Variants in STK32B observed in about 807,000 individuals in gnomAD.
The protein encoded by STK32B is serine/threonine kinase 32B.
STK32B carries 43 observed loss-of-function variants against 52.6 expected under a neutral mutation model. The ratio of observed to expected loss-of-function variants is 0.82; its 90% confidence interval spans 0.64 to 1.05. STK32B has a LOEUF of 1.05. Among genes scored for constraint, STK32B ranks in the 50% least tolerant of loss-of-function variants. The pLI is 0.00. For missense variants in STK32B, 621 were observed against 534.6 expected (o/e 1.16, Z -1.59); for synonymous variants, 238 against 204.3 (o/e 1.17, Z -1.41).
At chr4:5,184,920 C>T (rs771138131) in intron 3 of STK32B, among the ~76,000 whole-genome samples, 13 of 152,254 alleles carry the variant, frequency 8.5e-5, no homozygotes, top group Non-Finnish European at 1.8e-4. Context: ...AAGAGAAGCA[C>T]AGGAAAATGA....
At chr4:5,486,066 C>T (rs925000876) in intron 11 of STK32B, among the ~76,000 whole-genome samples, 1 of 152,128 alleles carries the variant, frequency 6.6e-6, no homozygotes, top group Admixed American at 6.5e-5. Context: ...TCTGTCCGTT[C>T]TCAGATCTCC....
At chr4:5,208,141 G>C (rs1191724650) in intron 3 of STK32B, among the ~76,000 whole-genome samples, 1 of 152,098 alleles carries the variant, frequency 6.6e-6, no homozygotes, top group East Asian at 1.9e-4. Context: ...AGGTGATTCA[G>C]GATTGTAGGT....
chr4:5,393,377 G>A (rs1452533529), intron 4 of STK32B, among the ~76,000 whole-genome samples: 1 of 152,202 alleles, frequency 6.6e-6, no homozygotes, highest in Non-Finnish European at 1.5e-5. Context: ...ACTTATAAGT[G>A]AGGAAGCTAA....
chr4:5,376,573 C>T (rs1735602420), intron 4 of STK32B, among the ~76,000 whole-genome samples: 1 of 152,186 alleles, frequency 6.6e-6, no homozygotes, highest in African/African-American at 2.4e-5. Flanking sequence ...TGAGATTTAC[C>T]TCTTTCCTCC....
chr4:5,278,830 A>G (rs1235989317), intron 3 of STK32B, among the ~76,000 whole-genome samples: 1 of 152,192 alleles, frequency 6.6e-6, no homozygotes, highest in Non-Finnish European at 1.5e-5. Context: ...AGCAGGAACA[A>G]TCTTCACATG....
chr4:5,070,464 TGAG>T (rs1231316570), intron 1 of STK32B, among the ~76,000 whole-genome samples: 1 of 152,112 alleles, frequency 6.6e-6, no homozygotes, highest in Non-Finnish European at 1.5e-5. Flanking sequence ...TGTAGGGGCT[TGAG>T]GGGAAAACAA....
intron 3 of STK32B, among the ~76,000 whole-genome samples, chr4:5,324,108 C>G (rs983900040): frequency 6.6e-6 from 1 of 152,232 alleles, no homozygotes; most frequent in Non-Finnish European, 1.5e-5. Context: ...AATCCTAGCA[C>G]TTTGGGAGGC....
intron 6 of STK32B, among the ~76,000 whole-genome samples, chr4:5,419,924 T>A (rs886925520): frequency 6.6e-6 from 1 of 152,224 alleles, no homozygotes; most frequent in Non-Finnish European, 1.5e-5. Context: ...GTATAAATAA[T>A]AGGCAACTTG....
At chr4:5,210,058 T>C (rs1722814242) in intron 3 of STK32B, among the ~76,000 whole-genome samples, 1 of 152,174 alleles carries the variant, frequency 6.6e-6, no homozygotes, top group Non-Finnish European at 1.5e-5. Flanking sequence ...TCATTGAAGC[T>C]CTTCCATTGG....
chr4:5,259,237 C>T (rs1726544648), intron 3 of STK32B, among the ~76,000 whole-genome samples: 1 of 152,182 alleles, frequency 6.6e-6, no homozygotes. Flanking sequence ...TACTGGCTAC[C>T]TCATTTAGAG....
At chr4:5,122,825 G>C (rs2108812874) in intron 1 of STK32B, among the ~76,000 whole-genome samples, 1 of 152,246 alleles carries the variant, frequency 6.6e-6, no homozygotes, top group South Asian at 2.1e-4. Flanking sequence ...TCTCCTGCCT[G>C]GGTTCCATGA....
intron 3 of STK32B, among the ~76,000 whole-genome samples, chr4:5,186,715 G>C (rs956677031): frequency 1.3e-5 from 2 of 152,050 alleles, no homozygotes; most frequent in African/African-American, 4.8e-5. Context: ...AGTCTCCAGC[G>C]CCTCCTCGAC....
At chr4:5,339,136 G>A (rs191792885) in intron 4 of STK32B, among the ~76,000 whole-genome samples, 174 of 152,192 alleles carry the variant, frequency 1.1e-3, no homozygotes, top group African/African-American at 3.7e-3. Context: ...TCTTAGACTG[G>A]GACTTACACT....
At chr4:5,117,099 T>TC (rs1714772208) in intron 1 of STK32B, among the ~76,000 whole-genome samples, 1 of 152,206 alleles carries the variant, frequency 6.6e-6, no homozygotes, top group South Asian at 2.1e-4. Flanking sequence ...CAGAGACAGT[T>TC]TCATAACTTC....
Position 5,216,699 on chromosome 4 carries a change from G to A in STK32B, c.260+48249G>A, listed in dbSNP as rs566264959. Among the ~76,000 whole-genome samples the A allele has an allele frequency of 4.2e-4, 64 of 152,304 alleles. No individual in the cohort carries two copies. In the South Asian group the frequency reaches 0.013, roughly 30 times the overall value. On this transcript the variant is annotated intron_variant, in intron 3 of 11. Transcript: ENST00000282908. Reference sequence around the variant, plus strand: ...GTGTGATGGATGTGCAGAACACAGCGGGGAAGGCTGAAGGAGCTGGAGGTG... The same window carrying A: ...GTGTGATGGATGTGCAGAACACAGCAGGGAAGGCTGAAGGAGCTGGAGGTG...
In STK32B at chr4:5,446,708, C is replaced by G; in HGVS notation, c.598C>G (p.Pro200Ala). The change falls in exon 7 of 12, where the codon CCC becomes GCC. Residue 200 changes from proline to alanine, a missense_variant. Transcript: ENST00000282908. ...EVFQVYMDRG[P>A]GYSYPVDWWS... ...ATTCCAGGTGTACATGGACAGAGGC[C>G]CCGGATACTCGTACCCTGTCGACTG... 5 of 1,614,102 alleles carry G rather than the reference C, an allele frequency of 3.1e-6. No individual in the cohort carries two copies. The South Asian group carries it at 4.4e-5, about 14-fold the overall frequency.
intron 2 of STK32B, among the ~76,000 whole-genome samples, chr4:5,144,182 A>G (rs1426444364): frequency 6.6e-6 from 1 of 152,206 alleles, no homozygotes; most frequent in Non-Finnish European, 1.5e-5. Context: ...CAACACAGAG[A>G]GCAAGCAGCT....
chr4:5,055,263 AT>A (rs36123548), intron 1 of STK32B, among the ~76,000 whole-genome samples: 92,531 of 139,994 alleles, frequency 0.66, 31,386 homozygotes, highest in Non-Finnish European at 0.77. Flanking sequence ...CTAATTTTTA[AT>A]TTTTTTTTTT....
chr4:5,171,445 A>C (rs1251931214), intron 3 of STK32B, among the ~76,000 whole-genome samples: 1 of 152,146 alleles, frequency 6.6e-6, no homozygotes, highest in Non-Finnish European at 1.5e-5. Context: ...TTTTAGGTCT[A>C]ACATGTAAGT....
Sources: gnomAD v4.1 joint callset for allele counts (sites outside exome capture counted in the v4.1 genomes callset) on GRCh38, gnomAD v4.1.1 for gene constraint, MANE v1.5 for transcripts, NCBI Gene and HGNC (gene_info 2026-07-23, HGNC 2026-07-21) for gene names.